LRRC69: variants seen among roughly 807,000 people sequenced by gnomAD.
LRRC69 encodes the protein leucine-rich repeat-containing protein 69.
Under a neutral mutation model 37.8 loss-of-function variants are expected in LRRC69, and 42 were observed. The ratio of observed to expected loss-of-function variants is 1.11; its 90% confidence interval spans 0.87 to 1.44. The LOEUF (loss-of-function observed/expected upper bound fraction) is 1.44, where lower values mean the gene tolerates loss of function less well. Ranked by LOEUF, LRRC69 falls within the 40% of genes most tolerant of loss-of-function variation. LRRC69 has a pLI of 0.00. For synonymous variants in LRRC69, 141 were observed against 143.1 expected (o/e 0.99, Z 0.11); for missense variants, 357 against 401.9 (o/e 0.89, Z 0.96).
chr8:91,207,079 A>T (rs766178265), intron 7 of LRRC69, among the ~76,000 whole-genome samples: 1 of 152,200 alleles, frequency 6.6e-6, no homozygotes, highest in Non-Finnish European at 1.5e-5. Context: ...TGTGTGTCAG[A>T]TTATTTGCCA....
At chr8:91,197,578 A>T (rs1360766571) in intron 6 of LRRC69, among the ~76,000 whole-genome samples, 1 of 152,056 alleles carries the variant, frequency 6.6e-6, no homozygotes, top group East Asian at 1.9e-4. Context: ...GGAAAAGCGC[A>T]GTATTAGGGT....
At chr8:91,161,537 G>A (rs1008522082) in intron 5 of LRRC69, among the ~76,000 whole-genome samples, 6 of 150,944 alleles carry the variant, frequency 4.0e-5, no homozygotes, top group African/African-American at 7.3e-5. Flanking sequence ...TTATATGTGT[G>A]CAGAAATTTA....
At chr8:91,169,649 C>A (rs1809091016) in intron 5 of LRRC69, among the ~76,000 whole-genome samples, 4 of 66,560 alleles carry the variant, frequency 6.0e-5, no homozygotes, top group Admixed American at 5.1e-4. Flanking sequence ...TTAGGTATAT[C>A]TCCCAATGCT....
intron 7 of LRRC69, among the ~76,000 whole-genome samples, chr8:91,209,207 A>G (rs555053745): frequency 1.3e-5 from 2 of 152,266 alleles, no homozygotes; most frequent in Non-Finnish European, 2.9e-5. Context: ...CGGGCGGATC[A>G]CCTGAGGTCA....
At chr8:91,190,220 A>G (rs1809470823) in intron 6 of LRRC69, among the ~76,000 whole-genome samples, 1 of 150,818 alleles carries the variant, frequency 6.6e-6, no homozygotes, top group Admixed American at 6.6e-5. Context: ...TATGGGATCA[A>G]CTTTCCTGGC....
intron 7 of LRRC69, among the ~76,000 whole-genome samples, chr8:91,209,985 G>A (rs1313672935): frequency 6.6e-6 from 1 of 152,158 alleles, no homozygotes; most frequent in East Asian, 1.9e-4. Flanking sequence ...TGCAGTTCAT[G>A]CTATTGAGGA....
At chr8:91,157,424 A>G in intron 5 of LRRC69, 3 of 1,607,620 alleles carry the variant, frequency 1.9e-6, no homozygotes, top group South Asian at 1.1e-5. Context: ...CCCACTAAAG[A>G]TATATTCACT....
At chr8:91,134,263 G>A (rs1813864318) in intron 4 of LRRC69, among the ~76,000 whole-genome samples, 1 of 151,368 alleles carries the variant, frequency 6.6e-6, no homozygotes, top group African/African-American at 2.4e-5. Flanking sequence ...CTGGAGTGCT[G>A]GTAATGTGGC....
intron 6 of LRRC69, among the ~76,000 whole-genome samples, chr8:91,199,038 T>C (rs1172385136): frequency 1.3e-5 from 2 of 152,184 alleles, no homozygotes; most frequent in African/African-American, 2.4e-5. Context: ...GAAAAAGTGA[T>C]CTATATGAAC....
chr8:91,202,790 G>A (rs1196467712), intron 7 of LRRC69, among the ~76,000 whole-genome samples: 3 of 152,166 alleles, frequency 2.0e-5, no homozygotes, highest in Non-Finnish European at 4.4e-5. Flanking sequence ...TAAAAGAGTG[G>A]TATATCCTAA....
intron 5 of LRRC69, among the ~76,000 whole-genome samples, chr8:91,172,089 G>C (rs1468523530): frequency 6.6e-6 from 1 of 151,834 alleles, no homozygotes; most frequent in Non-Finnish European, 1.5e-5. Flanking sequence ...CCATGGTTTA[G>C]AGTATTTTCC....
chr8:91,212,237 C>A (rs1291337584), intron 7 of LRRC69, among the ~76,000 whole-genome samples: 1 of 152,102 alleles, frequency 6.6e-6, no homozygotes, highest in East Asian at 1.9e-4. Flanking sequence ...TAGACCTAAC[C>A]TAAATAGTCT....
chr8:91,108,139 C>T (rs1813352514), intron 1 of LRRC69, among the ~76,000 whole-genome samples: 1 of 152,020 alleles, frequency 6.6e-6, no homozygotes, highest in African/African-American at 2.4e-5. Context: ...AAGATATGGT[C>T]TGCCATAGCT....
intron 7 of LRRC69, among the ~76,000 whole-genome samples, chr8:91,201,742 A>T (rs1424288599): frequency 6.6e-6 from 1 of 152,230 alleles, no homozygotes; most frequent in East Asian, 1.9e-4. Flanking sequence ...ATAAATTAAT[A>T]AAAACAGCTG....
intron 1 of LRRC69, among the ~76,000 whole-genome samples, chr8:91,114,739 A>G (rs1039955358): frequency 1.3e-5 from 2 of 152,068 alleles, no homozygotes; most frequent in African/African-American, 4.8e-5. Flanking sequence ...GTAGGCTTAT[A>G]CCATCTAGGT....
At chr8:91,215,158 C>T (rs1810019719) in intron 7 of LRRC69, among the ~76,000 whole-genome samples, 1 of 151,958 alleles carries the variant, frequency 6.6e-6, no homozygotes, top group Admixed American at 6.6e-5. Flanking sequence ...TTGCAATGTC[C>T]CTTTTGCTAT....
At chr8:91,144,511 C>T (rs1295811844) in intron 5 of LRRC69, among the ~76,000 whole-genome samples, 1 of 151,914 alleles carries the variant, frequency 6.6e-6, no homozygotes, top group Non-Finnish European at 1.5e-5. Context: ...CCTTGTGGCT[C>T]ATTTGGTTTG....
chr8:91,167,201 T>C (rs1290382056), intron 5 of LRRC69, among the ~76,000 whole-genome samples: 1 of 151,790 alleles, frequency 6.6e-6, no homozygotes, highest in Non-Finnish European at 1.5e-5. Flanking sequence ...TGGGTAATTA[T>C]AAAGGAAAGA....
At chr8:91,155,837 A>G (rs10096661) in intron 5 of LRRC69, among the ~76,000 whole-genome samples, 13,011 of 149,954 alleles carry the variant, frequency 0.087, 989 homozygotes, top group African/African-American at 0.21. Context: ...ATGACTAAAT[A>G]ATATTCTTTT....
Sources: gnomAD v4.1 joint callset for allele counts (sites outside exome capture counted in the v4.1 genomes callset) on GRCh38, gnomAD v4.1.1 for gene constraint, MANE v1.5 for transcripts, NCBI Gene and HGNC (gene_info 2026-07-23, HGNC 2026-07-21) for gene names.